RARB: variants seen among roughly 807,000 people sequenced by gnomAD.
RARB encodes the protein HBV-activated protein.
Under a neutral mutation model 51.9 loss-of-function variants are expected in RARB, and 17 were observed. That is an observed-to-expected ratio of 0.33 (90% CI 0.22 to 0.49). The LOEUF (loss-of-function observed/expected upper bound fraction) is 0.49, where lower values mean the gene tolerates loss of function less well. RARB is among the 20% of genes least tolerant of loss of function. The pLI is 0.99. For missense variants in RARB, 369 were observed against 550.8 expected (o/e 0.67, Z 3.30); for synonymous variants, 215 against 195.4 (o/e 1.10, Z -0.84).
Position 25,058,530 on chromosome 3 carries a change from T to C in RARB, c.-379-1595T>C, listed in dbSNP as rs927565708. The stretch of plus-strand genomic sequence containing the variant: ...TGCCCTCATGAAGCTTTGATGGGCA[T>C]CTCCAAAACCAAGTAAAAAGCAAAT... On this transcript the variant is annotated intron_variant, in intron 2 of 11. Transcript: ENST00000383772. Among the ~76,000 whole-genome samples, 8 of 149,838 alleles carry C rather than the reference T, an allele frequency of 5.3e-5. No homozygotes were observed. The East Asian group carries it at 1.7e-3, about 32-fold the overall frequency.
At chr3:25,546,721 C>T (rs570819456) in intron 3 of RARB, among the ~76,000 whole-genome samples, 1 of 152,144 alleles carries the variant, frequency 6.6e-6, no homozygotes, top group East Asian at 1.9e-4. Context: ...GAAGAAGACT[C>T]GAAGGAGGTG....
intron 3 of RARB, among the ~76,000 whole-genome samples, chr3:25,064,240 A>G (rs1339371683): frequency 6.6e-6 from 1 of 152,140 alleles, no homozygotes; most frequent in Non-Finnish European, 1.5e-5. Flanking sequence ...ATATAATGGC[A>G]ATAGATTTCC....
At chr3:25,066,353 G>A (rs1333127668) in intron 3 of RARB, among the ~76,000 whole-genome samples, 2 of 152,154 alleles carry the variant, frequency 1.3e-5, no homozygotes, top group African/African-American at 4.8e-5. Flanking sequence ...GAGAGCATGT[G>A]TTACTATCAA....
rs138627191 is a variant in RARB at position 24,879,158 on chromosome 3, G to A, written c.-380+20406G>A. On this transcript the variant is annotated intron_variant, in intron 2 of 11. Coordinates refer to the RARB transcript ENST00000383772. ...TAAAAATTGAGTTCCAGCTGGACACGGTGGCTCACGCCTGTAATCCCAGCA... is the reference window on the plus strand; with the variant it reads ...TAAAAATTGAGTTCCAGCTGGACACAGTGGCTCACGCCTGTAATCCCAGCA... 2.4e-3 allele frequency among the ~76,000 whole-genome samples: 361 copies of A among 152,082 alleles called. 2 individuals are homozygous for A. The highest frequency in any genetic ancestry group is 7.8e-3 in the African/African-American group (325 of 41,490).
chr3:25,572,692 GAA>G (rs1700754846), intron 4 of RARB, among the ~76,000 whole-genome samples: 1 of 152,180 alleles, frequency 6.6e-6, no homozygotes, highest in Non-Finnish European at 1.5e-5. Context: ...AAAGTCAGAG[GAA>G]AAGAGATGAG....
At chr3:25,204,253 C>T (rs996215771) in intron 5 of RARB, among the ~76,000 whole-genome samples, 43 of 152,278 alleles carry the variant, frequency 2.8e-4, no homozygotes, top group African/African-American at 8.2e-4. Context: ...ATGTAGTTCT[C>T]GTGCCACGGT....
intron 2 of RARB, among the ~76,000 whole-genome samples, chr3:25,039,512 G>A (rs569037960): frequency 1.3e-5 from 2 of 152,326 alleles, no homozygotes; most frequent in South Asian, 4.1e-4. Context: ...GGCCACGGTA[G>A]TGAGGAGATA....
At chr3:25,134,583 A>G (rs536103090) in intron 4 of RARB, among the ~76,000 whole-genome samples, 9 of 152,088 alleles carry the variant, frequency 5.9e-5, no homozygotes, top group African/African-American at 2.2e-4. Context: ...ATAACGTGAT[A>G]CTATCATATG....
At chr3:25,287,552 C>A (rs546640375) in intron 5 of RARB, among the ~76,000 whole-genome samples, 1 of 152,332 alleles carries the variant, frequency 6.6e-6, no homozygotes, top group African/African-American at 2.4e-5. Flanking sequence ...CAGACAGACA[C>A]TCTCGGCCTC....
chr3:24,896,551 G>C (rs956909120), intron 2 of RARB, among the ~76,000 whole-genome samples: 3 of 152,142 alleles, frequency 2.0e-5, no homozygotes, highest in African/African-American at 7.2e-5. Context: ...CAGCCACCGC[G>C]CCTGGCCCTG....
intron 2 of RARB, among the ~76,000 whole-genome samples, chr3:24,871,740 A>C (rs1702951979): frequency 6.6e-6 from 1 of 152,134 alleles, no homozygotes; most frequent in African/African-American, 2.4e-5. Flanking sequence ...CTCTCTTCTG[A>C]ACACACCCCA....
chr3:25,154,164 A>G (rs891467987), intron 4 of RARB, among the ~76,000 whole-genome samples: 8 of 152,164 alleles, frequency 5.3e-5, no homozygotes, highest in African/African-American at 1.7e-4. Context: ...CTTTTATTCT[A>G]TATGATTTGA....
chr3:24,896,848 C>G (rs759836182), intron 2 of RARB, among the ~76,000 whole-genome samples: 1 of 152,110 alleles, frequency 6.6e-6, no homozygotes, highest in Admixed American at 6.5e-5. Flanking sequence ...TCAGACATGT[C>G]TCATACCAAG....
chr3:25,266,056 A>G (rs1225349753), intron 5 of RARB, among the ~76,000 whole-genome samples: 3 of 152,144 alleles, frequency 2.0e-5, no homozygotes, highest in Admixed American at 2.0e-4. Flanking sequence ...TCTTGTAATC[A>G]CATTGGGTCC....
intron 3 of RARB, among the ~76,000 whole-genome samples, chr3:25,562,579 A>G (rs545619775): frequency 4.6e-5 from 7 of 152,228 alleles, no homozygotes; most frequent in Non-Finnish European, 7.3e-5. Context: ...TCATCCCTCA[A>G]CTACTCACTG....
intron 5 of RARB, among the ~76,000 whole-genome samples, chr3:25,370,534 A>C (rs938037798): frequency 2.6e-5 from 4 of 152,186 alleles, no homozygotes; most frequent in African/African-American, 9.6e-5. Context: ...TACCCGCTTA[A>C]ATATGAGAGA....
rs139031591 is a variant in RARB at position 24,888,225 on chromosome 3, A to G, written c.-380+29473A>G. 2.0e-5 allele frequency among the ~76,000 whole-genome samples: 3 copies of G among 152,332 alleles called. No individual in the cohort carries two copies. In the East Asian group the frequency reaches 5.8e-4, roughly 29 times the overall value. ...AATTATTTTATAAAGCATAATAACTATAACACAAATAATGATAATAGCAAA... is the reference window on the plus strand; with the variant it reads ...AATTATTTTATAAAGCATAATAACTGTAACACAAATAATGATAATAGCAAA... On this transcript the variant is annotated intron_variant, in intron 2 of 11. Coordinates refer to the RARB transcript ENST00000383772.
At chr3:25,106,444 G>GGTTT (rs1559468459) in intron 3 of RARB, among the ~76,000 whole-genome samples, 18 of 67,008 alleles carry the variant, frequency 2.7e-4, no homozygotes, top group East Asian at 1.0e-3. Context: ...CCCAGCTACT[G>GGTTT]TTTTTTGTTT....
At chr3:24,965,474 G>A (rs942394575) in intron 2 of RARB, among the ~76,000 whole-genome samples, 1 of 152,068 alleles carries the variant, frequency 6.6e-6, no homozygotes, top group African/African-American at 2.4e-5. Context: ...AATAGATTTG[G>A]AATCAGAGAA....
Sources: allele counts gnomAD v4.1 joint callset (sites outside exome capture counted in the v4.1 genomes callset), GRCh38; gene constraint gnomAD v4.1.1; transcripts MANE v1.5; gene names NCBI Gene and HGNC (gene_info 2026-07-23, HGNC 2026-07-21).